Variants in MRTFA observed in about 807,000 individuals in gnomAD.
MRTFA encodes the protein myocardin-related transcription factor A.
Under a neutral mutation model 83.5 loss-of-function variants are expected in MRTFA, and 20 were observed. That is an observed-to-expected ratio of 0.24 (90% confidence interval 0.17 to 0.35). The LOEUF is 0.35. MRTFA is among the 10% of genes least tolerant of loss of function. The pLI is 1.00. For missense variants in MRTFA, 1,200 were observed against 1,224.7 expected (o/e 0.98, Z 0.30); for synonymous variants, 659 against 541.2 (o/e 1.22, Z -3.02).
chr22:40,482,710 T>C (rs1393189981), intron 3 of MRTFA, among the ~76,000 whole-genome samples: 1 of 152,180 alleles, frequency 6.6e-6, no homozygotes, highest in Non-Finnish European at 1.5e-5. Flanking sequence ...TTGAATCTCA[T>C]TTGCTAATCC....
At chr22:40,491,800 C>T (rs1314535157) in intron 3 of MRTFA, among the ~76,000 whole-genome samples, 1 of 152,120 alleles carries the variant, frequency 6.6e-6, no homozygotes, top group Non-Finnish European at 1.5e-5. Context: ...GAAATGCACC[C>T]TACAGTACTA....
chr22:40,559,645 G>A (rs531121154), intron 2 of MRTFA, among the ~76,000 whole-genome samples: 1 of 152,126 alleles, frequency 6.6e-6, no homozygotes, highest in African/African-American at 2.4e-5. Flanking sequence ...GGCCTCAAGC[G>A]ATCGCCCTAC....
intron 3 of MRTFA, among the ~76,000 whole-genome samples, chr22:40,469,086 G>A (rs2053858028): frequency 6.6e-6 from 1 of 152,158 alleles, no homozygotes; most frequent in African/African-American, 2.4e-5. Context: ...CTTTGAATAA[G>A]GAGTATTTGA....
chr22:40,475,561 T>C (rs149534951), intron 3 of MRTFA, among the ~76,000 whole-genome samples: 1 of 152,120 alleles, frequency 6.6e-6, no homozygotes, highest in Non-Finnish European at 1.5e-5. Flanking sequence ...ATAATTACAA[T>C]GTTTTAAGAA....
At chr22:40,484,166 G>C (rs1422270467) in intron 3 of MRTFA, among the ~76,000 whole-genome samples, 1 of 145,280 alleles carries the variant, frequency 6.9e-6, no homozygotes, top group Non-Finnish European at 1.5e-5. Context: ...TATGGATAAA[G>C]AAAAAAAAAA....
At chr22:40,615,887 G>A (rs1259286925) in intron 1 of MRTFA, among the ~76,000 whole-genome samples, 3 of 151,972 alleles carry the variant, frequency 2.0e-5, no homozygotes, top group South Asian at 2.1e-4. Flanking sequence ...GTTTCGCCAC[G>A]TGGGCCAGGC....
rs71321202 is a variant in MRTFA, at chr22:40,540,148, G to A, written c.241+11958C>T. Reference sequence around the variant, plus strand: ...GCTGCTCTTGAAATCCTGGGCTCAGGCAATCCTCCCGCCTCAGCCTCCCAA... The same window carrying A: ...GCTGCTCTTGAAATCCTGGGCTCAGACAATCCTCCCGCCTCAGCCTCCCAA... On this transcript the variant is annotated intron_variant, in intron 3 of 14. Transcript: ENST00000355630. Among the ~76,000 whole-genome samples the A allele has an allele frequency of 5.5e-3, 842 of 151,770 alleles. 1 individual carries two copies. The highest frequency in any genetic ancestry group is 0.02 in the Middle Eastern group (6 of 294).
At chr22:40,587,565 C>T (rs951810065) in intron 2 of MRTFA, 8 of 308,632 alleles carry the variant, frequency 2.6e-5, no homozygotes, top group African/African-American at 1.1e-4. Context: ...CAGGAACTTC[C>T]TTAATATGAT....
intron 2 of MRTFA, among the ~76,000 whole-genome samples, chr22:40,582,601 A>T (rs1052111465): frequency 6.6e-6 from 1 of 152,080 alleles, no homozygotes; most frequent in Non-Finnish European, 1.5e-5. Flanking sequence ...AGTCTAAAAA[A>T]AAACTTCCCA....
intron 1 of MRTFA, among the ~76,000 whole-genome samples, chr22:40,630,807 A>G (rs982228139): frequency 1.3e-5 from 2 of 152,226 alleles, no homozygotes; most frequent in African/African-American, 2.4e-5. Flanking sequence ...GGCTCAAGCA[A>G]TCCTCCTGTC....
intron 3 of MRTFA, among the ~76,000 whole-genome samples, chr22:40,491,289 C>G (rs1368165068): frequency 6.6e-6 from 1 of 152,008 alleles, no homozygotes; most frequent in Admixed American, 6.6e-5. Context: ...TTGCAGTGAG[C>G]CATGATTGAG....
chr22:40,509,605 G>A (rs1483304633), intron 3 of MRTFA, among the ~76,000 whole-genome samples: 1 of 152,120 alleles, frequency 6.6e-6, no homozygotes, highest in Non-Finnish European at 1.5e-5. Flanking sequence ...AAGTTTCTCG[G>A]CCTGAATTTT....
chr22:40,616,771 T>C (rs1357122443), intron 1 of MRTFA, among the ~76,000 whole-genome samples: 1 of 151,966 alleles, frequency 6.6e-6, no homozygotes, highest in Admixed American at 6.6e-5. Context: ...CTGTGAGCCA[T>C]CCCAATGGAG....
intron 3 of MRTFA, among the ~76,000 whole-genome samples, chr22:40,534,659 C>G (rs899120783): frequency 6.6e-6 from 1 of 152,164 alleles, no homozygotes; most frequent in Non-Finnish European, 1.5e-5. Flanking sequence ...CAGGCATGAG[C>G]CACTGCTCCC....
At chr22:40,517,502 G>A (rs1401170934) in intron 3 of MRTFA, among the ~76,000 whole-genome samples, 1 of 152,238 alleles carries the variant, frequency 6.6e-6, no homozygotes, top group Non-Finnish European at 1.5e-5. Flanking sequence ...GGCCAGCTGG[G>A]TACAATCTTA....
chr22:40,410,294 T>G lies in MRTFA; in HGVS notation c.*1096A>C. 1 of 565,406 alleles carries G rather than the reference T, an allele frequency of 1.8e-6. No individual in the cohort carries two copies. Among genetic ancestry groups the G allele is most frequent in the Non-Finnish European group, 2.4e-6 (1 of 425,148 alleles). 35.0% of individuals were successfully genotyped at this position (565,406 alleles called of 1,614,324 possible). A position where few individuals can be genotyped will look rare whatever the true frequency, so the allele number is the denominator to read the frequency against. On this transcript the variant is annotated 3_prime_UTR_variant, in exon 15 of 15. Coordinates refer to ENST00000355630, the MANE Select transcript of MRTFA (RefSeq NM_020831.6). ...AATAAGATGGACTAACAGGCCTGTG[T>G]TTTTGTGTTTATTTTAAAAAGTTCA... is the stretch of plus-strand genomic sequence containing the variant.
At chr22:40,540,513 A>AGC (rs1411078223) in intron 3 of MRTFA, among the ~76,000 whole-genome samples, 1 of 152,072 alleles carries the variant, frequency 6.6e-6, no homozygotes, top group Non-Finnish European at 1.5e-5. Flanking sequence ...CTAGCCAGGC[A>AGC]GCGCGGTGGC....
At chr22:40,442,662 G>C (rs78273078) in intron 4 of MRTFA, among the ~76,000 whole-genome samples, 2,224 of 152,028 alleles carry the variant, frequency 0.015, 59 homozygotes, top group African/African-American at 0.051. Context: ...GTGGGGAAAA[G>C]AGACAAATAT....
intron 1 of MRTFA, among the ~76,000 whole-genome samples, chr22:40,621,658 AG>A (rs1195056739): frequency 2.0e-5 from 3 of 152,244 alleles, no homozygotes; most frequent in African/African-American, 7.2e-5. Flanking sequence ...AACTCTACTC[AG>A]TTGCAAATAT....
Sources: allele counts gnomAD v4.1 joint callset (sites outside exome capture counted in the v4.1 genomes callset), GRCh38; gene constraint gnomAD v4.1.1; transcripts MANE v1.5; gene names NCBI Gene and HGNC (gene_info 2026-07-23, HGNC 2026-07-21).